Variants in ADAMTSL1 observed in about 807,000 individuals in gnomAD.
ADAMTSL1 encodes ADAMTS-like protein 1.
Under a neutral mutation model 201.8 loss-of-function variants are expected in ADAMTSL1, and 126 were observed. The ratio of observed to expected loss-of-function variants is 0.62; its 90% CI spans 0.54 to 0.72. The LOEUF is 0.72. Among genes scored for constraint, ADAMTSL1 ranks in the 30% least tolerant of loss-of-function variants. The pLI is 0.00. For synonymous variants in ADAMTSL1, 1,121 were observed against 903.4 expected, an observed-to-expected ratio of 1.24 and a Z score of -4.32; for missense variants, 2,679 against 2,277.8, an observed-to-expected ratio of 1.18 and a Z score of -3.59.
At chr9:18,247,609 T>C (rs1831312813) in intron 2 of ADAMTSL1, among the ~76,000 whole-genome samples, 3 of 152,210 alleles carry the variant, frequency 2.0e-5, no homozygotes, top group Admixed American at 1.3e-4. Flanking sequence ...ATTTTATTGA[T>C]TGATTGAATG....
intron 1 of ADAMTSL1, among the ~76,000 whole-genome samples, chr9:17,995,780 C>A (rs868029522): frequency 6.6e-6 from 1 of 151,396 alleles, no homozygotes. Flanking sequence ...TAAAAACAGA[C>A]GTACTGTATT....
At chr9:18,131,612 G>A (rs544186630) in intron 1 of ADAMTSL1, among the ~76,000 whole-genome samples, 2 of 152,154 alleles carry the variant, frequency 1.3e-5, no homozygotes, top group Non-Finnish European at 2.9e-5. Flanking sequence ...AGACTGACAA[G>A]GACCTCTCAT....
At chr9:18,500,912 A>G (rs1822795690) in intron 1 of ADAMTSL1, among the ~76,000 whole-genome samples, 1 of 152,208 alleles carries the variant, frequency 6.6e-6, no homozygotes, top group South Asian at 2.1e-4. Flanking sequence ...TGCTGCTGAA[A>G]TTTCCAGCAG....
At chr9:18,820,038 T>G (rs1824115243) in intron 21 of ADAMTSL1, among the ~76,000 whole-genome samples, 2 of 152,248 alleles carry the variant, frequency 1.3e-5, no homozygotes. Flanking sequence ...ACCTCCTGAT[T>G]GGTTAGGTGG....
At chr9:18,511,435 A>G (rs1236058532) in intron 2 of ADAMTSL1, among the ~76,000 whole-genome samples, 5 of 152,080 alleles carry the variant, frequency 3.3e-5, no homozygotes. Flanking sequence ...TTTTGAGTTA[A>G]ATATTAAAAT....
intron 1 of ADAMTSL1, among the ~76,000 whole-genome samples, chr9:17,999,268 C>T (rs10963387): frequency 0.28 from 42,670 of 151,568 alleles, 6,148 homozygotes; most frequent in South Asian, 0.33. Flanking sequence ...TAGCTAAATC[C>T]TATTGTATGT....
At chr9:18,644,493 T>C (rs909885222) in intron 7 of ADAMTSL1, among the ~76,000 whole-genome samples, 1 of 152,002 alleles carries the variant, frequency 6.6e-6, no homozygotes, top group Non-Finnish European at 1.5e-5. Flanking sequence ...CCCATTAACT[T>C]GTCATTTGGT....
chr9:18,592,409 A>T (rs1815055599), intron 4 of ADAMTSL1, among the ~76,000 whole-genome samples: 1 of 150,722 alleles, frequency 6.6e-6, no homozygotes, highest in African/African-American at 2.4e-5. Context: ...AAGCTTTATC[A>T]TCTTTCCAAT....
chr9:18,290,366 A>G (rs1458985791), intron 2 of ADAMTSL1, among the ~76,000 whole-genome samples: 2 of 151,392 alleles, frequency 1.3e-5, no homozygotes, highest in African/African-American at 4.9e-5. Context: ...CAGTGAGGAG[A>G]CGTGTATTCC....
chr9:18,510,744 C>T (rs930211556), intron 2 of ADAMTSL1, among the ~76,000 whole-genome samples: 1 of 151,484 alleles, frequency 6.6e-6, no homozygotes, highest in Non-Finnish European at 1.5e-5. Flanking sequence ...GAATATAATA[C>T]CTGTTTTTAT....
At chr9:18,331,969 T>G (rs1407351904) in intron 2 of ADAMTSL1, among the ~76,000 whole-genome samples, 1 of 152,192 alleles carries the variant, frequency 6.6e-6, no homozygotes, top group African/African-American at 2.4e-5. Context: ...TATTTTTCCT[T>G]GATAAGGCAT....
At chr9:18,650,915 C>G (rs144762092) in intron 7 of ADAMTSL1, among the ~76,000 whole-genome samples, 2 of 152,188 alleles carry the variant, frequency 1.3e-5, no homozygotes, top group African/African-American at 4.8e-5. Flanking sequence ...ATACTCCCTA[C>G]TCTTGAAGGA....
chr9:18,598,482 A>G (rs1016991610), intron 4 of ADAMTSL1, among the ~76,000 whole-genome samples: 7 of 152,052 alleles, frequency 4.6e-5, no homozygotes, highest in Admixed American at 2.0e-4. Flanking sequence ...GTCTCTTTTT[A>G]TTTGGATTAT....
At chr9:18,263,147 C>A (rs1236448403) in intron 2 of ADAMTSL1, among the ~76,000 whole-genome samples, 1 of 152,068 alleles carries the variant, frequency 6.6e-6, no homozygotes, top group African/African-American at 2.4e-5. Context: ...ACATGAGAAG[C>A]CCAGAAAATG....
In ADAMTSL1 at chr9:18,036,382, A is replaced by G. The variant is rs190966284; in HGVS notation, c.88-127480A>G. Among the ~76,000 whole-genome samples the G allele has an allele frequency of 1.2e-3, 186 of 152,344 alleles. 2 individuals are homozygous for G. Among genetic ancestry groups the G allele is most frequent in the African/African-American group, 4.4e-3 (185 of 41,584 alleles). On this transcript the variant is annotated intron_variant, in intron 1 of 29. Transcript: ENST00000680146. ...CATGTAATAAAATGCTTTTCAGAATATGAACATCTTCCAGTTGACTTTGTT... is the reference window on the plus strand; with the variant it reads ...CATGTAATAAAATGCTTTTCAGAATGTGAACATCTTCCAGTTGACTTTGTT...
At chr9:18,614,965 G>C (rs1825607401) in intron 4 of ADAMTSL1, among the ~76,000 whole-genome samples, 1 of 151,706 alleles carries the variant, frequency 6.6e-6, no homozygotes, top group South Asian at 2.1e-4. Flanking sequence ...GTAATAATTT[G>C]TTTTCCCATT....
intron 1 of ADAMTSL1, among the ~76,000 whole-genome samples, chr9:18,018,649 C>A (rs576013347): frequency 2.0e-5 from 3 of 152,008 alleles, no homozygotes; most frequent in African/African-American, 4.8e-5. Flanking sequence ...CAAACCCCAT[C>A]AATTAAACTC....
chr9:18,113,815 A>G (rs1013949196), intron 1 of ADAMTSL1, among the ~76,000 whole-genome samples: 9 of 152,258 alleles, frequency 5.9e-5, no homozygotes, highest in South Asian at 2.1e-4. Context: ...CTGTGTAACT[A>G]TTAACTCAGT....
intron 2 of ADAMTSL1, among the ~76,000 whole-genome samples, chr9:18,280,877 T>C (rs534532227): frequency 1.0e-4 from 15 of 150,500 alleles, no homozygotes; most frequent in Middle Eastern, 6.8e-3. Context: ...ATTCCGCTTT[T>C]TTTTTTTTTT....
Sources: allele counts gnomAD v4.1 joint callset (sites outside exome capture counted in the v4.1 genomes callset), GRCh38; gene constraint gnomAD v4.1.1; transcripts MANE v1.5; gene names NCBI Gene and HGNC (gene_info 2026-07-23, HGNC 2026-07-21).